The following NAA38 variants were observed in gnomAD, a reference collection of about 807,000 sequenced individuals.
NAA38 encodes the protein N-alpha-acetyltransferase 38, NatC auxiliary subunit.
In NAA38, 15 loss-of-function variants were observed where a neutral mutation model predicts 12.6. That is an observed-to-expected ratio of 1.19 (90% CI 0.79 to 1.83). The LOEUF (loss-of-function observed/expected upper bound fraction) is 1.83, where lower values mean the gene tolerates loss of function less well. Among genes scored for constraint, NAA38 ranks in the 40% most tolerant of loss-of-function variants. The pLI, the probability that NAA38 is intolerant of heterozygous loss-of-function variation, is 0.00. For synonymous variants in NAA38, 88 were observed against 69.9 expected (o/e 1.26, Z -1.29); for missense variants, 183 against 171.7 (o/e 1.07, Z -0.37).
At chr17:7,876,282 T>C (rs1487329391) in intron 2 of NAA38, among the ~76,000 whole-genome samples, 1 of 152,132 alleles carries the variant, frequency 6.6e-6, no homozygotes, top group Non-Finnish European at 1.5e-5. Flanking sequence ...GCTGTCTGCC[T>C]ACTCTACCAT....
At chr17:7,884,457 C>CATATATATATATATATATAT (rs377079849) in intron 1 of NAA38, among the ~76,000 whole-genome samples, 3 of 130,830 alleles carry the variant, frequency 2.3e-5, no homozygotes, top group South Asian at 4.9e-4. Flanking sequence ...TATATATATA[C>CATATATATATATATATATAT]ATATATATAT....
chr17:7,858,364 A>G, upstream of NAA38: 3 of 1,614,064 alleles, frequency 1.9e-6, no homozygotes, highest in Non-Finnish European at 2.5e-6. Flanking sequence ...TGGTTCTCGA[A>G]GGGCTGGCAT....
In NAA38 at chr17:7,857,549, T is replaced by G. The variant is rs2078837650; in HGVS notation, c.-86A>C. The G allele has an allele frequency of 7.0e-6, 10 of 1,435,798 alleles. No individual in the cohort carries two copies. The highest frequency in any genetic ancestry group is 3.0e-5 in the Admixed American group (1 of 33,434). The allele number at this position is 1,435,798 out of a possible 1,614,324, so 88.9% of individuals were successfully genotyped here. ...CGAGATCTCGCGAGCGCTCCCGACC[T>G]CTTTCCTTTCGCGAGATCCCCTCTC... On this transcript the variant is annotated 5_prime_UTR_variant, in exon 1 of 3. Transcript: ENST00000575771.
chr17:7,857,971 T>C (rs1490297676), upstream of NAA38: 3 of 1,479,044 alleles, frequency 2.0e-6, no homozygotes, highest in African/African-American at 2.8e-5. Flanking sequence ...GCCCCTGATA[T>C]TTATCTCAGT....
At chr17:7,869,891 TA>T (rs1285487449) in intron 2 of NAA38, among the ~76,000 whole-genome samples, 1 of 152,204 alleles carries the variant, frequency 6.6e-6, no homozygotes, top group Admixed American at 6.5e-5. Flanking sequence ...GACAAATTTA[TA>T]ACCTAAAGGA....
intron 2 of NAA38, among the ~76,000 whole-genome samples, chr17:7,867,256 TAA>T (rs968663605): frequency 2.0e-5 from 3 of 151,552 alleles, no homozygotes; most frequent in Admixed American, 6.6e-5. Flanking sequence ...TAAACCAGGT[TAA>T]GTTTTATTTT....
intron 1 of NAA38, chr17:7,884,783 T>C: frequency 8.1e-6 from 1 of 122,728 alleles, no homozygotes; most frequent in Non-Finnish European, 1.1e-5. Context: ...GGTGGGGGGG[T>C]GGTGGGGGGG....
chr17:7,872,254 C>A (rs886747359), intron 2 of NAA38, among the ~76,000 whole-genome samples: 1 of 152,112 alleles, frequency 6.6e-6, no homozygotes, highest in Non-Finnish European at 1.5e-5. Flanking sequence ...GCTTGTTGTA[C>A]GCTTAAGGCC....
At chr17:7,870,620 G>C (rs1378296888) in intron 2 of NAA38, among the ~76,000 whole-genome samples, 1 of 151,998 alleles carries the variant, frequency 6.6e-6, no homozygotes, top group African/African-American at 2.4e-5. Context: ...GGTGGCTCAC[G>C]CCTGTAATCC....
chr17:7,884,418 GA>G (rs1254316184), intron 1 of NAA38, among the ~76,000 whole-genome samples: 1 of 145,842 alleles, frequency 6.9e-6, no homozygotes, highest in East Asian at 2.0e-4. Flanking sequence ...AAGCAACGGA[GA>G]GGGGGGCAGA....
rs368249745 is a variant in NAA38, at chr17:7,867,259, G to GT, written c.-65-702dup. The stretch of plus-strand genomic sequence containing the variant: ...TAGAAGGCTTTGTAAACCAGGTTAA[G>GT]TTTTATTTTTTTTTAATTGAGACAT... On this transcript the variant is annotated intron_variant, in intron 2 of 4. Coordinates refer to the NAA38 transcript ENST00000576861. Among the ~76,000 whole-genome samples, 2,855 of 151,002 alleles carry GT rather than the reference G, an allele frequency of 0.019. 130 individuals are homozygous for GT. In the East Asian group the frequency reaches 0.2, roughly 11 times the overall value.
chr17:7,858,381 T>C (rs370222052), upstream of NAA38: 11 of 1,614,112 alleles, frequency 6.8e-6, no homozygotes, highest in East Asian at 2.2e-5. Flanking sequence ...GCATTGACAG[T>C]GGCTGTGCTG....
At chr17:7,862,778 C>A (rs2078891976), upstream of NAA38, 1 of 150,894 alleles carries the variant, frequency 6.6e-6, no homozygotes, top group Non-Finnish European at 1.5e-5. Flanking sequence ...AAAAGAGGGT[C>A]TCACCAGATT....
chr17:7,870,827 C>T (rs1011737161), intron 2 of NAA38, among the ~76,000 whole-genome samples: 56 of 150,430 alleles, frequency 3.7e-4, no homozygotes, highest in African/African-American at 1.1e-3. Flanking sequence ...GTGGAGGTTT[C>T]GGTGAGCCGA....
intron 2 of NAA38, among the ~76,000 whole-genome samples, chr17:7,871,887 T>TC (rs1597880713): frequency 6.6e-6 from 1 of 152,254 alleles, no homozygotes; most frequent in East Asian, 1.9e-4. Context: ...ACTCCTGACC[T>TC]CAAGTGACCC....
chr17:7,882,627 GTTAGAC>G (rs1967295119), intron 2 of NAA38, among the ~76,000 whole-genome samples: 1 of 151,828 alleles, frequency 6.6e-6, no homozygotes, highest in African/African-American at 2.4e-5. Flanking sequence ...AGGAGGAGGA[GTTAGAC>G]TTAGTACAGA....
chr17:7,866,150 G>C (rs1203773571), intron 3 of NAA38: 1 of 152,132 alleles, frequency 6.6e-6, no homozygotes, highest in East Asian at 1.8e-4. Context: ...GCAGCGGCAC[G>C]ATCTCGGCTC....
At position 7,868,282 on chromosome 17, in the gene NAA38, C is replaced by T. The variant is rs1249229496; in HGVS notation, c.-65-1724G>A. Among the ~76,000 whole-genome samples, 10 of 152,200 alleles carry T rather than the reference C, an allele frequency of 6.6e-5. No homozygotes were observed. In the East Asian group the frequency reaches 1.5e-3, roughly 23 times the overall value. On this transcript the variant is annotated intron_variant, in intron 2 of 4. Transcript: ENST00000576861. ...AGAGAGAGCACAGAAGAGAGGGGAG[C>T]GGCCAACAGTATAAAGTGCTGCACA...
chr17:7,858,467 A>G (rs1192405054), upstream of NAA38: 1 of 1,614,196 alleles, frequency 6.2e-7, no homozygotes, highest in South Asian at 1.1e-5. Context: ...GGTTTGATCC[A>G]AAGACCAGAG....
Sources: gnomAD v4.1 joint callset for allele counts (sites outside exome capture counted in the v4.1 genomes callset) on GRCh38, gnomAD v4.1.1 for gene constraint, MANE v1.5 for transcripts, NCBI Gene and HGNC (gene_info 2026-07-23, HGNC 2026-07-21) for gene names.